Variants in SECISBP2 observed in about 807,000 individuals in gnomAD.
SECISBP2 encodes SECIS binding protein 2.
SECISBP2 carries 96 observed loss-of-function variants against 98.2 expected under a neutral mutation model. The observed-to-expected ratio is 0.98, with a 90% CI of 0.83 to 1.16. SECISBP2 has a LOEUF of 1.16. Ranked by LOEUF, SECISBP2 falls within the 50% of genes most tolerant of loss-of-function variation. SECISBP2 has a pLI of 0.00. For synonymous variants in SECISBP2, 407 were observed against 370.2 expected, an observed-to-expected ratio of 1.10 and a Z score of -1.14; for missense variants, 1,046 against 1,022.9, an observed-to-expected ratio of 1.02 and a Z score of -0.31.
chr9:89,341,395 G>C lies in SECISBP2; in HGVS notation c.1351G>C (p.Asp451His). The change falls in exon 10 of 17, where the codon GAC (aspartate) becomes CAC (histidine). Residue 451 changes from aspartate (D) to histidine (H), a missense_variant. Physicochemically the swap from Asp to His is moderately conservative, Grantham distance 81. Coordinates refer to ENST00000375807, the MANE Select transcript of SECISBP2 (RefSeq NM_024077.5). ...GAAGAGCCAGCTTCCAGTGCAGTTG[G>C]ACTTGGGGGGCATGCTGACAGCCCT... ...VKKSQLPVQL[D>H]LGGMLTALEK... 1 of 1,614,018 alleles carries C rather than the reference G, an allele frequency of 6.2e-7. No homozygotes were observed. The highest frequency in any genetic ancestry group is 1.1e-5 in the South Asian group (1 of 91,076).
At chr9:89,339,660 T>G (rs970347430) in intron 8 of SECISBP2, among the ~76,000 whole-genome samples, 8 of 152,294 alleles carry the variant, frequency 5.3e-5, no homozygotes, top group Admixed American at 1.3e-4. Flanking sequence ...CTCTTTTTTT[T>G]GGGTACAGGG....
chr9:89,336,104 T>G (rs1334653416), intron 7 of SECISBP2, among the ~76,000 whole-genome samples: 1 of 141,376 alleles, frequency 7.1e-6, no homozygotes, highest in African/African-American at 2.6e-5. Context: ...TTTTTTTTTT[T>G]TTTTCACTGC....
intron 7 of SECISBP2, among the ~76,000 whole-genome samples, chr9:89,335,316 C>T (rs1033417100): frequency 7.2e-5 from 11 of 151,744 alleles, no homozygotes; most frequent in Non-Finnish European, 1.0e-4. Flanking sequence ...GTTTTGATTA[C>T]GTTGATTTTC....
At chr9:89,343,929 C>T (rs1482440060) in intron 10 of SECISBP2, among the ~76,000 whole-genome samples, 3 of 152,168 alleles carry the variant, frequency 2.0e-5, no homozygotes, top group Admixed American at 1.3e-4. Context: ...CTTTCCACAG[C>T]GGTTGAACTA....
At chr9:89,318,719 TGCTG>T in intron 1 of SECISBP2, 107 bp downstream of exon 1, 1 of 1,257,350 alleles carries the variant, frequency 8.0e-7, no homozygotes, top group Non-Finnish European at 1.0e-6. Context: ...GTGGGTCGGA[TGCTG>T]GTGACGGCAC....
chr9:89,319,025 G>T, intron 1 of SECISBP2: 3 of 1,028,518 alleles, frequency 2.9e-6, no homozygotes, highest in Non-Finnish European at 3.5e-6. Context: ...GAGCCCTGGC[G>T]ATCGCTTGCA....
chr9:89,335,290 AAG>A (rs1239807900), intron 7 of SECISBP2, among the ~76,000 whole-genome samples: 1 of 152,046 alleles, frequency 6.6e-6, no homozygotes, highest in Non-Finnish European at 1.5e-5. Context: ...ATTAGGGAAA[AAG>A]AGATGTGCAT....
Position 89,350,728 on chromosome 9 carries a change from T to G in SECISBP2, c.1989T>G (p.Asp663Glu). The G allele has an allele frequency of 2.5e-6, 4 of 1,614,180 alleles. No individual in the cohort carries two copies. Among genetic ancestry groups the G allele is most frequent in the Non-Finnish European group, 3.4e-6 (4 of 1,180,022 alleles). The stretch of plus-strand genomic sequence containing the variant: ...TCCAAGACCGTATGTACCAGAAAGA[T>G]CCAGTCAAGGCCAAGACTAAACGTC... ...VRFQDRMYQK[D>E]PVKAKTKRRL... Residue 663 changes from aspartate (D) to glutamate (E), a missense_variant, in exon 14 of 17, where the codon GAT becomes GAG. Coordinates refer to ENST00000375807, the MANE Select transcript of SECISBP2 (RefSeq NM_024077.5).
intron 1 of SECISBP2, chr9:89,318,904 G>A: frequency 8.1e-7 from 1 of 1,234,328 alleles, no homozygotes; most frequent in Non-Finnish European, 1.0e-6. Context: ...CGGGGCGGGG[G>A]GACTCTGGCG....
downstream of SECISBP2, chr9:89,363,811 C>CGA (rs1833139553): frequency 6.2e-7 from 1 of 1,614,118 alleles, no homozygotes; most frequent in South Asian, 1.1e-5. Context: ...AGCAGCGATA[C>CGA]TCAGCGCTTT....
intron 8 of SECISBP2, among the ~76,000 whole-genome samples, chr9:89,339,464 C>T (rs189799796): frequency 1.3e-5 from 2 of 152,272 alleles, no homozygotes; most frequent in Admixed American, 6.5e-5. Context: ...TTTAGCAGGC[C>T]TGTTGCCTTT....
At chr9:89,333,523 G>A (rs1200158398) in intron 6 of SECISBP2, among the ~76,000 whole-genome samples, 1 of 152,118 alleles carries the variant, frequency 6.6e-6, no homozygotes, top group Non-Finnish European at 1.5e-5. Context: ...CTGTAGATCT[G>A]CCATGGCATT....
intron 2 of SECISBP2, chr9:89,322,520 T>A (rs1825986267): frequency 6.6e-6 from 1 of 152,290 alleles, no homozygotes; most frequent in Non-Finnish European, 1.5e-5. Flanking sequence ...TTGTTCATGC[T>A]AATTCAAATA....
intron 5 of SECISBP2, among the ~76,000 whole-genome samples, chr9:89,331,071 A>G (rs1156747844): frequency 6.6e-6 from 1 of 152,208 alleles, no homozygotes; most frequent in Non-Finnish European, 1.5e-5. Flanking sequence ...ATGTCTGAAA[A>G]TGACAAAAAA....
chr9:89,340,095 C>T, intron 9 of SECISBP2, 142 bp downstream of exon 9: 1 of 650,394 alleles, frequency 1.5e-6, no homozygotes, highest in Non-Finnish European at 2.8e-6. Context: ...GAGAGAACTG[C>T]ACCCAGCATG....
chr9:89,353,805 G>C (rs931665004), intron 14 of SECISBP2, among the ~76,000 whole-genome samples: 2 of 152,212 alleles, frequency 1.3e-5, no homozygotes, highest in Non-Finnish European at 2.9e-5. Context: ...CTCTGCCAGA[G>C]CATGGGGCTA....
rs1389887613 is a variant in SECISBP2 at position 89,319,689 on chromosome 9, C to G, written c.74C>G (p.Pro25Arg). The change falls in exon 2 of 17, where the codon CCC becomes CGC. Residue 25 changes from proline (P) to arginine (R), a missense_variant. Pro to Arg is a moderately radical substitution (Grantham distance 103). Transcript: ENST00000375807. Reference protein sequence around the residue: ...KLSADVKPFVPRFAGLNVAWL... With the variant: ...KLSADVKPFVRRFAGLNVAWL... ...TCAGCAGATGTCAAACCATTTGTCC[C>G]CAGATTTGCCGGGCTCAATGTGGCA... is the stretch of plus-strand genomic sequence containing the variant. 4 of 1,614,134 alleles carry G rather than the reference C, an allele frequency of 2.5e-6. No homozygotes were observed. The highest frequency in any genetic ancestry group is 3.4e-6 in the Non-Finnish European group (4 of 1,180,012).
the SECISBP2 span, among the ~76,000 whole-genome samples, chr9:89,365,917 A>T: frequency 6.6e-6 from 1 of 152,198 alleles, no homozygotes; most frequent in Non-Finnish European, 1.5e-5. Flanking sequence ...GCATCTGCTC[A>T]TCTTTGTCCG....
In SECISBP2 at chr9:89,358,015, TG is replaced by T. The variant is rs1259082690; in HGVS notation, c.2287del (p.Val763LeufsTer3). 1 of 1,613,140 alleles carries T rather than the reference TG, an allele frequency of 6.2e-7. No individual in the cohort carries two copies. On this transcript the variant is annotated frameshift_variant, in exon 16 of 17. Transcript: ENST00000375807. LOFTEE classifies it high-confidence loss of function. ...GTGCCCAAGGATCAGTTCCACAAGA[TG>T]GTTGAGCTGACAGTGGCGGCCCGAC... is the stretch of plus-strand genomic sequence containing the variant. ...YDGAQDQFHK[M>X]VELTVAARQA... is the part of the protein sequence containing the mutation.
Sources: allele counts gnomAD v4.1 joint callset (sites outside exome capture counted in the v4.1 genomes callset), GRCh38; gene constraint gnomAD v4.1.1; transcripts MANE v1.5; gene names NCBI Gene and HGNC (gene_info 2026-07-23, HGNC 2026-07-21).